Variants in CDKAL1 observed in about 807,000 individuals in gnomAD.
CDKAL1 encodes the protein threonylcarbamoyladenosine tRNA methylthiotransferase.
In CDKAL1, 32 loss-of-function variants were observed where a neutral mutation model predicts 68.2. That is an observed-to-expected ratio of 0.47 (90% CI 0.35 to 0.63). The LOEUF (loss-of-function observed/expected upper bound fraction) is 0.63, where lower values mean the gene tolerates loss of function less well. Ranked by LOEUF, CDKAL1 falls within the 30% of genes least tolerant of loss-of-function variation. The pLI is 0.00. For synonymous variants in CDKAL1, 234 were observed against 244.3 expected (o/e 0.96, Z 0.39); for missense variants, 606 against 696.7 (o/e 0.87, Z 1.47).
At chr6:20,994,918 T>C (rs540556831) in intron 10 of CDKAL1, among the ~76,000 whole-genome samples, 9 of 152,312 alleles carry the variant, frequency 5.9e-5, no homozygotes, top group African/African-American at 1.9e-4. Context: ...CAGTGCAGCT[T>C]CTCTCAAAAT....
intron 10 of CDKAL1, among the ~76,000 whole-genome samples, chr6:20,994,074 G>A (rs1026085444): frequency 2.0e-5 from 3 of 152,130 alleles, no homozygotes; most frequent in Admixed American, 6.6e-5. Context: ...TCAGAGCACC[G>A]AGCTGCTCAT....
chr6:20,676,540 G>A (rs1377095856), intron 5 of CDKAL1, among the ~76,000 whole-genome samples: 1 of 151,924 alleles, frequency 6.6e-6, no homozygotes, highest in African/African-American at 2.4e-5. Flanking sequence ...GGTGGCAGGC[G>A]CCTGTGGTCC....
chr6:20,944,851 G>T (rs1054657248), intron 9 of CDKAL1, among the ~76,000 whole-genome samples: 2 of 152,122 alleles, frequency 1.3e-5, no homozygotes, highest in Non-Finnish European at 2.9e-5. Context: ...GCAAATGTTT[G>T]TAGTGTTTTG....
At chr6:21,121,321 G>T (rs1004712787) in intron 13 of CDKAL1, among the ~76,000 whole-genome samples, 1 of 152,096 alleles carries the variant, frequency 6.6e-6, no homozygotes. Flanking sequence ...GATGATGTCG[G>T]CAAGATACTT....
chr6:20,931,909 A>C (rs946367828), intron 9 of CDKAL1, among the ~76,000 whole-genome samples: 1 of 152,188 alleles, frequency 6.6e-6, no homozygotes, highest in African/African-American at 2.4e-5. Flanking sequence ...TTGATTTTAC[A>C]GTATAGGTTA....
intron 15 of CDKAL1, among the ~76,000 whole-genome samples, chr6:21,221,056 A>G (rs1251704808): frequency 6.6e-6 from 1 of 151,888 alleles, no homozygotes; most frequent in Non-Finnish European, 1.5e-5. Context: ...AATCCCAGCT[A>G]CTCGGGAGGC....
chr6:20,970,080 G>C (rs1216281179), intron 10 of CDKAL1, among the ~76,000 whole-genome samples: 1 of 152,162 alleles, frequency 6.6e-6, no homozygotes, highest in Non-Finnish European at 1.5e-5. Context: ...CACTGGGTTA[G>C]TGCCAGGTCA....
At chr6:21,116,497 A>G (rs1259983241) in intron 13 of CDKAL1, among the ~76,000 whole-genome samples, 3 of 152,208 alleles carry the variant, frequency 2.0e-5, no homozygotes, top group Non-Finnish European at 2.9e-5. Flanking sequence ...ACAGAGCAGT[A>G]TACGTGGAGA....
At chr6:21,096,922 T>C (rs1224349438) in intron 12 of CDKAL1, among the ~76,000 whole-genome samples, 1 of 152,228 alleles carries the variant, frequency 6.6e-6, no homozygotes, top group Non-Finnish European at 1.5e-5. Flanking sequence ...AGAATAGTTA[T>C]CTTGTCATAT....
intron 2 of CDKAL1, among the ~76,000 whole-genome samples, chr6:20,541,966 A>G (rs10484634): frequency 0.067 from 10,190 of 152,336 alleles, 467 homozygotes; most frequent in African/African-American, 0.13. Flanking sequence ...GGCAATTGAC[A>G]GTCTTACCAT....
At chr6:20,889,089 T>C (rs1446824508) in intron 9 of CDKAL1, among the ~76,000 whole-genome samples, 1 of 152,232 alleles carries the variant, frequency 6.6e-6, no homozygotes, top group Non-Finnish European at 1.5e-5. Flanking sequence ...GGTATCTCAT[T>C]GTGGTTTTGG....
chr6:21,002,789 A>G (rs1222997121), intron 11 of CDKAL1, among the ~76,000 whole-genome samples: 3 of 151,926 alleles, frequency 2.0e-5, no homozygotes, highest in Non-Finnish European at 2.9e-5. Flanking sequence ...GGAGTTCAAG[A>G]TCAGTTTGGG....
intron 9 of CDKAL1, among the ~76,000 whole-genome samples, chr6:20,924,859 C>T (rs1763115775): frequency 6.6e-6 from 1 of 152,222 alleles, no homozygotes; most frequent in Non-Finnish European, 1.5e-5. Context: ...ATAGATGAAA[C>T]AGCCTTCTAT....
chr6:20,860,717 A>C (rs9350292), intron 9 of CDKAL1, among the ~76,000 whole-genome samples: 1 of 151,728 alleles, frequency 6.6e-6, no homozygotes, highest in East Asian at 2.0e-4. Flanking sequence ...CCAGCTACTC[A>C]GGAGACTGAG....
chr6:21,119,107 G>A (rs1043393220), intron 13 of CDKAL1, among the ~76,000 whole-genome samples: 3 of 151,848 alleles, frequency 2.0e-5, no homozygotes, highest in East Asian at 3.9e-4. Flanking sequence ...CCTTCGTCCC[G>A]ACCATCTTCC....
chr6:20,786,625 G>C lies in CDKAL1; in HGVS notation c.638+5360G>C, dbSNP rs139629357. On this transcript the variant is annotated intron_variant, in intron 8 of 15. Coordinates refer to ENST00000274695, the MANE Select transcript of CDKAL1 (RefSeq NM_017774.3). ...CGATTCTCCTGCCTCAGCCTCCTGA[G>C]TAGCTGGGACTTCAGGCGCCCGCCA... Among the ~76,000 whole-genome samples, 801 of 150,766 alleles carry C rather than the reference G, an allele frequency of 5.3e-3. 6 individuals carry two copies. Among genetic ancestry groups the C allele is most frequent in the African/African-American group, 0.018 (719 of 41,026 alleles).
chr6:21,059,741 A>G (rs1771037736), intron 11 of CDKAL1, among the ~76,000 whole-genome samples: 1 of 151,692 alleles, frequency 6.6e-6, no homozygotes, highest in South Asian at 2.1e-4. Flanking sequence ...CTAATTGGCC[A>G]TCTTGGCCCC....
intron 10 of CDKAL1, among the ~76,000 whole-genome samples, chr6:20,994,145 C>CT (rs984473183): frequency 2.4e-4 from 37 of 152,166 alleles, no homozygotes; most frequent in African/African-American, 8.4e-4. Context: ...CTTGGTAAAC[C>CT]TGAGACCCTT....
At chr6:20,863,558 C>T (rs1759756790) in intron 9 of CDKAL1, among the ~76,000 whole-genome samples, 1 of 152,130 alleles carries the variant, frequency 6.6e-6, no homozygotes, top group Admixed American at 6.5e-5. Flanking sequence ...TTGGAAGCAG[C>T]GAACATTCTC....
Sources: allele counts gnomAD v4.1 joint callset (sites outside exome capture counted in the v4.1 genomes callset), GRCh38; gene constraint gnomAD v4.1.1; transcripts MANE v1.5; gene names NCBI Gene and HGNC (gene_info 2026-07-23, HGNC 2026-07-21).